PCDH11X: variants seen among roughly 807,000 people sequenced by gnomAD.
PCDH11X encodes the protein protocadherin 11 X-linked.
PCDH11X carries 18 observed loss-of-function variants against 53.3 expected under a neutral mutation model. The observed-to-expected ratio is 0.34, with a 90% CI of 0.23 to 0.50. The LOEUF (loss-of-function observed/expected upper bound fraction) is 0.50. Ranked by LOEUF, PCDH11X falls within the 20% of genes least tolerant of loss-of-function variation. The probability of loss-of-function intolerance (pLI) is 0.98; values close to 1 mark genes in which losing one functional copy is unlikely to be tolerated. For missense variants in PCDH11X, 570 were observed against 1,032.4 expected, an observed-to-expected ratio of 0.55 and a Z score of 6.14; for synonymous variants, 279 against 393.3, an observed-to-expected ratio of 0.71 and a Z score of 3.44.
In PCDH11X at chrX:92,149,766, C is replaced by T. The variant is rs773248044; in HGVS notation, c.3034-51609C>T. Reference sequence around the variant, plus strand: ...ACTTTCCTTCTTGCCTTCACCCTGACCCAAACAACCACTAATATGTGTACT... The same window carrying T: ...ACTTTCCTTCTTGCCTTCACCCTGATCCAAACAACCACTAATATGTGTACT... On this transcript the variant is annotated intron_variant, in intron 6 of 10. Coordinates refer to ENST00000682573, the MANE Select transcript of PCDH11X (RefSeq NM_032968.5). Among the ~76,000 whole-genome samples, 624 of 110,615 alleles carry T rather than the reference C, an allele frequency of 5.6e-3. 6 individuals are homozygous for T. Among genetic ancestry groups the T allele is most frequent in the African/African-American group, 0.02 (598 of 30,467 alleles).
At chrX:92,348,680 G>A (rs929314694) in intron 8 of PCDH11X, among the ~76,000 whole-genome samples, 1 of 108,858 alleles carries the variant, frequency 9.2e-6, no homozygotes, top group Non-Finnish European at 1.9e-5. Flanking sequence ...GAGATTACAG[G>A]CATGCACTGC....
chrX:91,854,772 T>A (rs1477866685), intron 5 of PCDH11X, among the ~76,000 whole-genome samples: 1 of 112,276 alleles, frequency 8.9e-6, no homozygotes, highest in Non-Finnish European at 1.9e-5. Flanking sequence ...TTCATATGCC[T>A]GTTTGCCATT....
intron 10 of PCDH11X, among the ~76,000 whole-genome samples, chrX:92,592,519 CA>C (rs2148798585): frequency 9.2e-6 from 1 of 109,035 alleles, no homozygotes; most frequent in African/African-American, 3.3e-5. Flanking sequence ...ATCACCAGGT[CA>C]GGAGATCGAG....
At chrX:91,879,813 A>G (rs192667134) in intron 6 of PCDH11X, 3 of 742,766 alleles carry the variant, frequency 4.0e-6, no homozygotes, top group Admixed American at 8.2e-5. Flanking sequence ...CAGATTAGGA[A>G]CTCAAAATTA....
At chrX:91,974,798 G>A (rs2147915947) in intron 6 of PCDH11X, among the ~76,000 whole-genome samples, 1 of 109,332 alleles carries the variant, frequency 9.1e-6, no homozygotes, top group Non-Finnish European at 1.9e-5. Context: ...TGTTGCCCAG[G>A]CTGGAGTGCA....
chrX:91,822,650 G>A (rs1271379669), intron 4 of PCDH11X, among the ~76,000 whole-genome samples: 2 of 94,949 alleles, frequency 2.1e-5, no homozygotes, highest in African/African-American at 7.3e-5. Context: ...ATTTTTTGAA[G>A]GGTTTTTTGT....
At chrX:91,907,407 A>ACCCC (rs1167927831) in intron 6 of PCDH11X, among the ~76,000 whole-genome samples, 2 of 67,888 alleles carry the variant, frequency 2.9e-5, no homozygotes, top group African/African-American at 1.1e-4. Context: ...ACACACACAC[A>ACCCC]CACACAGAGA....
chrX:91,791,857 A>ATT (rs755996100), intron 1 of PCDH11X, among the ~76,000 whole-genome samples: 128 of 83,106 alleles, frequency 1.5e-3, no homozygotes, highest in African/African-American at 2.2e-3. Flanking sequence ...CGATCAGTAC[A>ATT]TTTTTTTTTT....
intron 5 of PCDH11X, among the ~76,000 whole-genome samples, chrX:91,867,197 T>C (rs1602390319): frequency 1.8e-5 from 2 of 111,873 alleles, no homozygotes; most frequent in African/African-American, 6.5e-5. Flanking sequence ...AAGTGTGTTA[T>C]ATTCACTGCA....
At chrX:92,576,009 T>TGTAC (rs1569506321) in intron 10 of PCDH11X, among the ~76,000 whole-genome samples, 5 of 30,414 alleles carry the variant, frequency 1.6e-4, no homozygotes, top group African/African-American at 1.1e-3. Context: ...TATATATATA[T>TGTAC]ATACACACAC....
At chrX:92,513,843 C>T (rs2074208354) in intron 10 of PCDH11X, among the ~76,000 whole-genome samples, 1 of 111,300 alleles carries the variant, frequency 9.0e-6, no homozygotes, top group African/African-American at 3.3e-5. Context: ...CTACAACCAT[C>T]ACCATGACCC....
At chrX:92,537,335 A>G (rs2074679166) in intron 10 of PCDH11X, among the ~76,000 whole-genome samples, 1 of 109,390 alleles carries the variant, frequency 9.1e-6, no homozygotes, top group South Asian at 3.9e-4. Flanking sequence ...AATGAAAGCT[A>G]TAAAATCTAA....
chrX:92,215,338 C>T (rs758384746), intron 7 of PCDH11X, among the ~76,000 whole-genome samples: 2 of 107,248 alleles, frequency 1.9e-5, no homozygotes, highest in East Asian at 6.0e-4. Context: ...AAAATCGGGT[C>T]ACTCCCACCC....
intron 8 of PCDH11X, among the ~76,000 whole-genome samples, chrX:92,272,135 A>T (rs1432439937): frequency 9.0e-6 from 1 of 111,690 alleles, no homozygotes; most frequent in Non-Finnish European, 1.9e-5. Flanking sequence ...TGCTTTTTTT[A>T]TCAAGGGCAT....
chrX:92,502,738 A>T, intron 10 of PCDH11X, among the ~76,000 whole-genome samples: 1 of 111,834 alleles, frequency 8.9e-6, no homozygotes, highest in Non-Finnish European at 1.9e-5. Flanking sequence ...CTTAAATGTA[A>T]ATCCCAAAAC....
At chrX:91,779,715 G>C (rs1051417039) in intron 1 of PCDH11X, 31 bp downstream of exon 1, 1 of 99,206 alleles carries the variant, frequency 1.0e-5, no homozygotes, top group African/African-American at 3.7e-5. Context: ...CCTGTACAGG[G>C]TGCTGTCAGG....
chrX:92,215,774 C>A lies in PCDH11X; in HGVS notation c.3114+14319C>A, dbSNP rs748892489. On this transcript the variant is annotated intron_variant, in intron 7 of 10. Transcript: ENST00000682573. ...CCTCAAGTGTATCCCTGACCCCTGA[C>A]TCCCGAGCAGCCTAACTGGGAGGCA... 7.5e-5 allele frequency among the ~76,000 whole-genome samples: 8 copies of A among 106,778 alleles called. No homozygotes were observed. The South Asian group carries it at 2.6e-3, about 34-fold the overall frequency. 92.7% of individuals were successfully genotyped at this position (106,778 alleles called of 115,157 possible). A position where few individuals can be genotyped will look rare whatever the true frequency, so the allele number is the denominator to read the frequency against.
intron 10 of PCDH11X, among the ~76,000 whole-genome samples, chrX:92,534,283 CA>C (rs1248659213): frequency 2.7e-5 from 3 of 110,691 alleles, no homozygotes; most frequent in Non-Finnish European, 5.7e-5. Context: ...CCAATTCGAT[CA>C]AGTGGAAGAA....
chrX:91,829,362 C>A (rs1272551980), intron 4 of PCDH11X, among the ~76,000 whole-genome samples: 4 of 107,786 alleles, frequency 3.7e-5, no homozygotes, highest in Non-Finnish European at 7.7e-5. Flanking sequence ...ATATATAAAA[C>A]TCAAAATAGG....
Sources: allele counts gnomAD v4.1 joint callset (sites outside exome capture counted in the v4.1 genomes callset), GRCh38; gene constraint gnomAD v4.1.1; transcripts MANE v1.5; gene names NCBI Gene and HGNC (gene_info 2026-07-23, HGNC 2026-07-21).